The following SUGCT variants were observed in gnomAD, a reference collection of about 807,000 sequenced individuals.
SUGCT encodes the protein succinyl-CoA:glutarate-CoA transferase, also known as succinyl-CoA:glutarate CoA-transferase.
Under a neutral mutation model 55.0 loss-of-function variants are expected in SUGCT, and 41 were observed. The observed-to-expected ratio is 0.74, with a 90% CI of 0.58 to 0.97. The LOEUF (loss-of-function observed/expected upper bound fraction) is 0.97. Among genes scored for constraint, SUGCT ranks in the 50% least tolerant of loss-of-function variants. The probability of loss-of-function intolerance (pLI) is 0.00; values close to 1 mark genes in which losing one functional copy is unlikely to be tolerated. For synonymous variants in SUGCT, 187 were observed against 200.4 expected (o/e 0.93, Z 0.56); for missense variants, 568 against 547.8 (o/e 1.04, Z -0.37).
chr7:40,499,498 A>G (rs964982214), intron 12 of SUGCT: 2 of 188,286 alleles, frequency 1.1e-5, no homozygotes, highest in African/African-American at 4.8e-5. Context: ...TAAATGAGAG[A>G]TTGTCTACCT....
At chr7:40,231,018 A>G (rs752124280) in intron 6 of SUGCT, among the ~76,000 whole-genome samples, 1 of 152,214 alleles carries the variant, frequency 6.6e-6, no homozygotes, top group Admixed American at 6.5e-5. Flanking sequence ...TGTCATTGTT[A>G]TTCTAGATAC....
intron 9 of SUGCT, among the ~76,000 whole-genome samples, chr7:40,399,226 GTA>G (rs1284604520): frequency 6.6e-6 from 1 of 151,932 alleles, no homozygotes; most frequent in East Asian, 1.9e-4. Flanking sequence ...CCATTTGAAG[GTA>G]GATTTTGATT....
chr7:40,177,359 A>G (rs934160952), intron 1 of SUGCT, among the ~76,000 whole-genome samples: 4 of 149,600 alleles, frequency 2.7e-5, no homozygotes, highest in East Asian at 2.0e-4. Flanking sequence ...TTTTCTATCC[A>G]TAAGTTCTCT....
At chr7:40,234,924 G>GAAAAAA (rs921126310) in intron 6 of SUGCT, among the ~76,000 whole-genome samples, 4 of 142,748 alleles carry the variant, frequency 2.8e-5, no homozygotes, top group Non-Finnish European at 6.2e-5. Flanking sequence ...AAAGAAAAAA[G>GAAAAAA]AAAAAAAAAA....
chr7:40,391,157 G>A (rs1164769023), intron 9 of SUGCT, among the ~76,000 whole-genome samples: 3 of 152,158 alleles, frequency 2.0e-5, no homozygotes, highest in Non-Finnish European at 4.4e-5. Context: ...AGACTTAAAT[G>A]TTAGACCTAA....
the SUGCT span, among the ~76,000 whole-genome samples, chr7:40,944,167 A>C: frequency 6.6e-6 from 1 of 151,996 alleles, no homozygotes; most frequent in African/African-American, 2.4e-5. Flanking sequence ...TTCATTGTAG[A>C]TTCTGGATAT....
the SUGCT span, among the ~76,000 whole-genome samples, chr7:40,918,477 AAG>A: frequency 6.6e-6 from 1 of 151,782 alleles, no homozygotes; most frequent in African/African-American, 2.4e-5. Flanking sequence ...AAAAAAAAAA[AAG>A]GTTTGGGGGA....
rs1181377154 is a variant in SUGCT, at chr7:40,337,296, A to G, written c.816+20441A>G. Reference sequence around the variant, plus strand: ...GTGCAGAGCTGAGTTCAATTCCTGGATATGCTTGTGAACTTTCTGTCTCGT... The same window carrying G: ...GTGCAGAGCTGAGTTCAATTCCTGGGTATGCTTGTGAACTTTCTGTCTCGT... On this transcript the variant is annotated intron_variant, in intron 9 of 13. Transcript: ENST00000335693. Among the ~76,000 whole-genome samples the G allele has an allele frequency of 2.0e-5, 3 of 151,914 alleles. No homozygotes were observed. The East Asian group carries it at 5.8e-4, about 29-fold the overall frequency.
intron 9 of SUGCT, among the ~76,000 whole-genome samples, chr7:40,346,093 C>T (rs1312888948): frequency 6.6e-6 from 1 of 151,838 alleles, no homozygotes; most frequent in Non-Finnish European, 1.5e-5. Flanking sequence ...CATCCCTTTT[C>T]TATTCTCTAG....
chr7:40,186,996 T>C (rs1288498058), intron 3 of SUGCT, among the ~76,000 whole-genome samples: 3 of 152,220 alleles, frequency 2.0e-5, no homozygotes, highest in Non-Finnish European at 4.4e-5. Flanking sequence ...GTATGTTTAT[T>C]GCGGCACTGT....
intron 9 of SUGCT, among the ~76,000 whole-genome samples, chr7:40,325,131 T>C (rs1795964361): frequency 6.6e-6 from 1 of 152,222 alleles, no homozygotes; most frequent in East Asian, 1.9e-4. Flanking sequence ...TGCAGTACTT[T>C]GCTATCATTC....
At chr7:40,958,790 C>T in the SUGCT span, among the ~76,000 whole-genome samples, 2 of 152,220 alleles carry the variant, frequency 1.3e-5, no homozygotes, top group East Asian at 3.9e-4. Flanking sequence ...TTTTCCTCAT[C>T]TTCATGGATT....
At chr7:40,354,575 G>A (rs1218813227) in intron 9 of SUGCT, among the ~76,000 whole-genome samples, 4 of 152,196 alleles carry the variant, frequency 2.6e-5, no homozygotes, top group African/African-American at 9.7e-5. Context: ...GCTGGGTATT[G>A]CAGTTTGTGC....
At chr7:40,307,883 A>T (rs934834351) in intron 8 of SUGCT, among the ~76,000 whole-genome samples, 2 of 152,200 alleles carry the variant, frequency 1.3e-5, no homozygotes, top group Non-Finnish European at 2.9e-5. Context: ...TGACATGTAA[A>T]GTAACAGTAT....
At chr7:40,326,970 A>G (rs746391159) in intron 9 of SUGCT, among the ~76,000 whole-genome samples, 38 of 152,226 alleles carry the variant, frequency 2.5e-4, no homozygotes, top group Non-Finnish European at 4.8e-4. Context: ...GAATGTCGAT[A>G]ATGCTTACCC....
the SUGCT span, among the ~76,000 whole-genome samples, chr7:41,029,597 T>C: frequency 6.6e-6 from 1 of 152,202 alleles, no homozygotes; most frequent in Non-Finnish European, 1.5e-5. Context: ...CAAGTAGACT[T>C]TACTTTCGGC....
intron 1 of SUGCT, among the ~76,000 whole-genome samples, chr7:40,144,079 A>G (rs1368147833): frequency 6.6e-6 from 1 of 152,178 alleles, no homozygotes; most frequent in Non-Finnish European, 1.5e-5. Context: ...TAAAAGCTCT[A>G]CACTGGGGGG....
intron 1 of SUGCT, among the ~76,000 whole-genome samples, chr7:40,139,272 A>T (rs983089381): frequency 2.0e-5 from 3 of 152,214 alleles, no homozygotes; most frequent in African/African-American, 7.2e-5. Context: ...ATCTCAGCTC[A>T]CTGCAACCTC....
At chr7:40,389,507 G>A (rs1485908649) in intron 9 of SUGCT, among the ~76,000 whole-genome samples, 1 of 151,540 alleles carries the variant, frequency 6.6e-6, no homozygotes, top group East Asian at 1.9e-4. Flanking sequence ...ATACCTTACT[G>A]TTTTGTGTTC....
Sources: gnomAD v4.1 joint callset for allele counts (sites outside exome capture counted in the v4.1 genomes callset) on GRCh38, gnomAD v4.1.1 for gene constraint, MANE v1.5 for transcripts, NCBI Gene and HGNC (gene_info 2026-07-23, HGNC 2026-07-21) for gene names.